The following ST7 variants were observed in gnomAD, a reference collection of about 807,000 sequenced individuals.
ST7 encodes suppressor of tumorigenicity 7 protein.
ST7 carries 28 observed loss-of-function variants against 78.7 expected under a neutral mutation model. The ratio of observed to expected loss-of-function variants is 0.36; its 90% confidence interval spans 0.26 to 0.49. The LOEUF (loss-of-function observed/expected upper bound fraction) is 0.49, where lower values mean the gene tolerates loss of function less well. ST7 is among the 20% of genes least tolerant of loss of function. ST7 has a pLI of 0.99. For missense variants in ST7, 418 were observed against 696.0 expected (o/e 0.60, Z 4.49); for synonymous variants, 247 against 249.6 (o/e 0.99, Z 0.10).
At chr7:117,096,787 T>C (rs1404697986) in intron 1 of ST7, among the ~76,000 whole-genome samples, 1 of 152,196 alleles carries the variant, frequency 6.6e-6, no homozygotes, top group African/African-American at 2.4e-5. Context: ...TCCTTATGAT[T>C]TTTGCCAGAT....
intron 12 of ST7, chr7:117,198,227 A>C (rs779747264): frequency 8.6e-5 from 34 of 397,590 alleles, no homozygotes; most frequent in South Asian, 6.0e-4. Flanking sequence ...AAATGAAATT[A>C]CATCGTGTAA....
intron 1 of ST7, among the ~76,000 whole-genome samples, chr7:116,989,734 G>C (rs559021338): frequency 6.6e-6 from 1 of 152,058 alleles, no homozygotes; most frequent in African/African-American, 2.4e-5. Flanking sequence ...AGCTGCTCAG[G>C]AGGCTGAGGT....
chr7:117,031,399 C>T (rs76555070), intron 1 of ST7, among the ~76,000 whole-genome samples: 13,509 of 14,406 alleles, frequency 0.94, 6,436 homozygotes, highest in East Asian at 1. Flanking sequence ...TATATATGTG[C>T]ATATATACGC....
chr7:116,962,112 A>T (rs1792866189), intron 1 of ST7, among the ~76,000 whole-genome samples: 1 of 152,074 alleles, frequency 6.6e-6, no homozygotes, highest in Admixed American at 6.6e-5. Context: ...AAAGGAGATG[A>T]TCTCATTCCT....
At chr7:116,987,045 A>G (rs1053253860) in intron 1 of ST7, among the ~76,000 whole-genome samples, 4 of 152,176 alleles carry the variant, frequency 2.6e-5, no homozygotes, top group African/African-American at 9.7e-5. Context: ...TGTGCTACCA[A>G]TCCTTCAGTC....
chr7:116,983,945 C>G (rs1167923014), intron 1 of ST7, among the ~76,000 whole-genome samples: 3 of 152,190 alleles, frequency 2.0e-5, no homozygotes, highest in Non-Finnish European at 4.4e-5. Context: ...TTTCATTAAG[C>G]TAAGCTCTCA....
intron 9 of ST7, chr7:117,145,639 A>C (rs1047784247): frequency 2.6e-5 from 4 of 152,126 alleles, no homozygotes; most frequent in Admixed American, 2.6e-4. Context: ...TATTGTATTT[A>C]TGACCTCATC....
rs867323815 is a variant in ST7, at chr7:117,161,600, T to C, written c.964-9262T>C. On this transcript the variant is annotated intron_variant, in intron 9 of 15. Transcript: ENST00000323984. ...TTTGTTTTCTTTCTTTCTTTTTTTTTTTTTTTTTTTTCTTTCCAAGATGGA... is the reference window on the plus strand; with the variant it reads ...TTTGTTTTCTTTCTTTCTTTTTTTTCTTTTTTTTTTTCTTTCCAAGATGGA... 2.4e-3 allele frequency among the ~76,000 whole-genome samples: 355 copies of C among 146,868 alleles called. 2 individuals are homozygous for C. The highest frequency in any genetic ancestry group is 8.6e-3 in the African/African-American group (344 of 40,192).
chr7:117,115,229 T>C (rs1017344392), intron 2 of ST7, among the ~76,000 whole-genome samples: 2 of 152,180 alleles, frequency 1.3e-5, no homozygotes, highest in African/African-American at 4.8e-5. Context: ...TATCCAGTTA[T>C]TGCCTTCTAA....
chr7:117,157,326 C>T (rs546788616), intron 9 of ST7, among the ~76,000 whole-genome samples: 3 of 152,270 alleles, frequency 2.0e-5, no homozygotes, highest in South Asian at 2.1e-4. Context: ...TGAACTCAGG[C>T]TGGTTTCTGT....
chr7:117,092,392 T>C (rs1300113472), intron 1 of ST7, among the ~76,000 whole-genome samples: 2 of 151,696 alleles, frequency 1.3e-5, no homozygotes, highest in East Asian at 3.9e-4. Context: ...AGCGTTTGTC[T>C]GTCACAGGGT....
At chr7:117,213,222 CAT>C (rs1303847974) in intron 13 of ST7, among the ~76,000 whole-genome samples, 1 of 152,160 alleles carries the variant, frequency 6.6e-6, no homozygotes, top group African/African-American at 2.4e-5. Context: ...TCTCCAGCCT[CAT>C]AGTTTAGGTT....
intron 9 of ST7, among the ~76,000 whole-genome samples, chr7:117,142,408 A>G (rs1805397799): frequency 6.6e-6 from 1 of 151,984 alleles, no homozygotes; most frequent in South Asian, 2.1e-4. Flanking sequence ...GCATTGTAGG[A>G]TGTTTAGCAG....
At chr7:117,121,178 C>T (rs1331769419) in intron 3 of ST7, among the ~76,000 whole-genome samples, 1 of 152,168 alleles carries the variant, frequency 6.6e-6, no homozygotes, top group Non-Finnish European at 1.5e-5. Context: ...AGCAGTTATC[C>T]ACCACTGCTC....
At chr7:117,160,847 G>C (rs1236236288) in intron 9 of ST7, among the ~76,000 whole-genome samples, 1 of 152,030 alleles carries the variant, frequency 6.6e-6, no homozygotes, top group Non-Finnish European at 1.5e-5. Flanking sequence ...TTACCTTATA[G>C]TTAATGTAAC....
At chr7:117,103,051 A>G (rs750765643) in intron 2 of ST7, among the ~76,000 whole-genome samples, 1 of 152,204 alleles carries the variant, frequency 6.6e-6, no homozygotes, top group African/African-American at 2.4e-5. Context: ...AAGGAAAACT[A>G]TTAAACCCTG....
intron 1 of ST7, among the ~76,000 whole-genome samples, chr7:117,084,160 T>C (rs1158355498): frequency 6.6e-6 from 1 of 152,226 alleles, no homozygotes; most frequent in Admixed American, 6.5e-5. Context: ...ACTTACCATC[T>C]TTAGGTATTA....
chr7:116,995,466 T>G (rs1794611760), intron 1 of ST7, among the ~76,000 whole-genome samples: 1 of 152,050 alleles, frequency 6.6e-6, no homozygotes, highest in South Asian at 2.1e-4. Flanking sequence ...CATGGTGAGG[T>G]GATATGATGG....
intron 9 of ST7, among the ~76,000 whole-genome samples, chr7:117,138,903 T>G (rs1276385755): frequency 6.6e-6 from 1 of 152,148 alleles, no homozygotes; most frequent in African/African-American, 2.4e-5. Context: ...TGGAAGCCAA[T>G]AATGAGACCA....
Sources: gnomAD v4.1 joint callset for allele counts (sites outside exome capture counted in the v4.1 genomes callset) on GRCh38, gnomAD v4.1.1 for gene constraint, MANE v1.5 for transcripts, NCBI Gene and HGNC (gene_info 2026-07-23, HGNC 2026-07-21) for gene names.